PITPNC1: variants seen among roughly 807,000 people sequenced by gnomAD.
PITPNC1 encodes cytoplasmic phosphatidylinositol transfer protein 1.
In PITPNC1, 18 loss-of-function variants were observed where a neutral mutation model predicts 44.7. The observed-to-expected ratio is 0.40, with a 90% CI of 0.28 to 0.60. PITPNC1 has a LOEUF of 0.60. Ranked by LOEUF, PITPNC1 falls within the 20% of genes least tolerant of loss-of-function variation. The pLI is 0.39. For synonymous variants in PITPNC1, 141 were observed against 149.6 expected (o/e 0.94, Z 0.42); for missense variants, 290 against 418.4 (o/e 0.69, Z 2.68).
At chr17:67,636,237 G>A (rs1001650889) in intron 6 of PITPNC1, among the ~76,000 whole-genome samples, 3 of 144,338 alleles carry the variant, frequency 2.1e-5, no homozygotes, top group African/African-American at 8.0e-5. Flanking sequence ...GGCCGAGATT[G>A]CGCTACTGCA....
At chr17:67,463,186 TATAA>T (rs10555881) in intron 1 of PITPNC1, among the ~76,000 whole-genome samples, 130,805 of 151,822 alleles carry the variant, frequency 0.86, 57,031 homozygotes, top group Middle Eastern at 0.91. Context: ...AATTCAGACT[TATAA>T]ATACTTCTGC....
At chr17:67,464,204 A>T (rs1038141741) in intron 1 of PITPNC1, among the ~76,000 whole-genome samples, 5 of 138,716 alleles carry the variant, frequency 3.6e-5, no homozygotes, top group Middle Eastern at 7.4e-3. Flanking sequence ...ATTAAAAAAA[A>T]AAAAATGATA....
chr17:67,544,410 G>A (rs977747551), intron 2 of PITPNC1, among the ~76,000 whole-genome samples: 6 of 152,122 alleles, frequency 3.9e-5, no homozygotes, highest in African/African-American at 1.4e-4. Flanking sequence ...GGGAATGGGG[G>A]TGGGGGTGGA....
At position 67,692,889 on chromosome 17, in the gene PITPNC1, C is replaced by G; in HGVS notation, c.*1C>G. 1 of 1,540,270 alleles carries G rather than the reference C, an allele frequency of 6.5e-7. No homozygotes were observed. On this transcript the variant is annotated 3_prime_UTR_variant, in exon 9 of 9. Transcript: ENST00000581322. ...GCCATGTCGGCCCAAATCTGAGTAA[C>G]TTTATATAAATATCTCATGGGGTTT...
chr17:67,441,284 C>T (rs954251954), intron 1 of PITPNC1, among the ~76,000 whole-genome samples: 8 of 150,470 alleles, frequency 5.3e-5, no homozygotes, highest in Non-Finnish European at 7.4e-5. Context: ...TAAGCCCCCC[C>T]CCGCCACCCA....
chr17:67,604,962 C>T (rs958256278), intron 5 of PITPNC1, among the ~76,000 whole-genome samples: 1 of 151,918 alleles, frequency 6.6e-6, no homozygotes, highest in Admixed American at 6.6e-5. Flanking sequence ...GCCTGTAGTC[C>T]CAGTTACTCA....
intron 1 of PITPNC1, among the ~76,000 whole-genome samples, chr17:67,494,282 C>G (rs988055106): frequency 6.6e-6 from 1 of 151,022 alleles, no homozygotes; most frequent in African/African-American, 2.4e-5. Flanking sequence ...CTCACTGCAA[C>G]CTCTACCTCC....
At chr17:67,576,680 C>T (rs1165478889) in intron 4 of PITPNC1, among the ~76,000 whole-genome samples, 1 of 152,134 alleles carries the variant, frequency 6.6e-6, no homozygotes, top group Non-Finnish European at 1.5e-5. Context: ...CCACCTTAAC[C>T]CTTCACATCT....
intron 1 of PITPNC1, among the ~76,000 whole-genome samples, chr17:67,428,418 T>C (rs1310053935): frequency 2.0e-5 from 3 of 151,788 alleles, no homozygotes; most frequent in Non-Finnish European, 4.4e-5. Flanking sequence ...TGCACACCTA[T>C]AGTCCTAGCT....
chr17:67,453,229 T>C (rs1391964965), intron 1 of PITPNC1, among the ~76,000 whole-genome samples: 1 of 152,186 alleles, frequency 6.6e-6, no homozygotes, highest in Non-Finnish European at 1.5e-5. Context: ...CAGTGGTGAA[T>C]CAACTCAAAA....
chr17:67,608,954 G>A (rs2041651849), intron 5 of PITPNC1, among the ~76,000 whole-genome samples: 1 of 152,206 alleles, frequency 6.6e-6, no homozygotes, highest in East Asian at 1.9e-4. Flanking sequence ...TAGCAATACT[G>A]AGTCATTGTG....
chr17:67,434,817 AAAAAT>A (rs2038912063), intron 1 of PITPNC1, among the ~76,000 whole-genome samples: 1 of 148,154 alleles, frequency 6.7e-6, no homozygotes, highest in Non-Finnish European at 1.5e-5. Context: ...AAAAAAATAA[AAAAAT>A]AAAAGGCCAG....
chr17:67,537,128 A>C lies in PITPNC1; in HGVS notation c.197+4178A>C, dbSNP rs533105418. ...TACCCCTGAAATTGATGAAATTAAC[A>C]TTTAATAAATCTGTGTACTTATTCA... On this transcript the variant is annotated intron_variant, in intron 2 of 8. Transcript: ENST00000581322. 1.4e-3 allele frequency among the ~76,000 whole-genome samples: 219 copies of C among 152,374 alleles called. 1 individual carries two copies. Among genetic ancestry groups the C allele is most frequent in the African/African-American group, 5.1e-3 (214 of 41,596 alleles).
chr17:67,431,147 C>G (rs929868423), intron 1 of PITPNC1, among the ~76,000 whole-genome samples: 1 of 151,406 alleles, frequency 6.6e-6, no homozygotes. Flanking sequence ...CAAGCTCCAC[C>G]TCCCGGGTTC....
At chr17:67,588,030 G>A (rs2041344772) in intron 5 of PITPNC1, among the ~76,000 whole-genome samples, 1 of 152,122 alleles carries the variant, frequency 6.6e-6, no homozygotes, top group Non-Finnish European at 1.5e-5. Context: ...TTGAAACGGA[G>A]TCTCACTTTG....
Position 67,394,053 on chromosome 17 carries a change from T to G in PITPNC1, c.48+15851T>G, listed in dbSNP as rs554964311. ...TGGGGCCTCACCACATTGACCAGGC[T>G]GTTCTCAAACTCCTGACCTCATGAT... is the stretch of plus-strand genomic sequence containing the variant. On this transcript the variant is annotated intron_variant, in intron 1 of 8. Transcript: ENST00000581322. Among the ~76,000 whole-genome samples the G allele has an allele frequency of 8.9e-4, 135 of 152,296 alleles. 3 individuals are homozygous for G. In the South Asian group the frequency reaches 0.018, roughly 21 times the overall value.
At position 67,403,218 on chromosome 17, in the gene PITPNC1, CAAA is replaced by C. The variant is rs34768084; in HGVS notation, c.48+25037_48+25039del. Among the ~76,000 whole-genome samples, 381 of 68,954 alleles carry C rather than the reference CAAA, an allele frequency of 5.5e-3. 4 individuals carry two copies. Among genetic ancestry groups the C allele is most frequent in the African/African-American group, 0.018 (345 of 19,114 alleles). 45.2% of individuals were successfully genotyped at this position (68,954 alleles called of 152,430 possible). A position where few individuals can be genotyped will look rare whatever the true frequency, so the allele number is the denominator to read the frequency against. On this transcript the variant is annotated intron_variant, in intron 1 of 8. Coordinates refer to ENST00000581322, the MANE Select transcript of PITPNC1 (RefSeq NM_012417.4). ...GGCAACACAGTGGACCTCATCTCTA[CAAA>C]AAAAAAAAAAAAAAAAAAAAGTCAT...
chr17:67,590,052 C>T (rs1031039477), intron 5 of PITPNC1, among the ~76,000 whole-genome samples: 2 of 152,000 alleles, frequency 1.3e-5, no homozygotes, highest in African/African-American at 2.4e-5. Flanking sequence ...TGGCTACCTA[C>T]AGTGGGGGTG....
chr17:67,622,747 A>G (rs2041849634), intron 5 of PITPNC1, among the ~76,000 whole-genome samples: 1 of 151,876 alleles, frequency 6.6e-6, no homozygotes. Context: ...GTGGTGGCGC[A>G]TGCCTGTAGT....
Sources: allele counts gnomAD v4.1 joint callset (sites outside exome capture counted in the v4.1 genomes callset), GRCh38; gene constraint gnomAD v4.1.1; transcripts MANE v1.5; gene names NCBI Gene and HGNC (gene_info 2026-07-23, HGNC 2026-07-21).